The following STAM2 variants were observed in gnomAD, a reference collection of about 807,000 sequenced individuals.
STAM2 encodes the protein signal transducing adapter molecule 2.
A neutral mutation model predicts 65.6 loss-of-function variants in STAM2; 51 were observed. The ratio of observed to expected loss-of-function variants is 0.78; its 90% CI spans 0.62 to 0.98. The LOEUF is 0.98. Among genes scored for constraint, STAM2 ranks in the 50% least tolerant of loss-of-function variants. The pLI is 0.00. For synonymous variants in STAM2, 198 were observed against 208.4 expected (o/e 0.95, Z 0.43); for missense variants, 584 against 617.8 (o/e 0.95, Z 0.58).
Position 152,123,929 on chromosome 2 carries a change from G to T in STAM2, c.1186C>A (p.Pro396Thr). The change falls in exon 13 of 14, where the codon CCA becomes ACA. Residue 396 changes from proline to threonine, a missense_variant. Physicochemically the swap from Pro to Thr is conservative, Grantham distance 38. Transcript: ENST00000263904. ...ASSGVPMQTY[P>T]VQSHGGNYMG... ...TAGTTTCCACCATGTGATTGAACTG[G>T]ATATGTCTATTAATCAGAAAGAAAA... 6.2e-7 allele frequency: 1 copy of T among 1,613,326 alleles called. No homozygotes were observed.
intron 1 of STAM2, among the ~76,000 whole-genome samples, chr2:152,160,742 T>G (rs1689654657): frequency 7.2e-6 from 1 of 138,636 alleles, no homozygotes; most frequent in Non-Finnish European, 1.5e-5. Flanking sequence ...ATCCGGGAGG[T>G]GAGGGGTGCC....
Position 152,145,190 on chromosome 2 carries a change from C to T in STAM2, c.448-233G>A, listed in dbSNP as rs540123624. 2.3e-4 allele frequency among the ~76,000 whole-genome samples: 35 copies of T among 152,264 alleles called. No individual in the cohort carries two copies. In the South Asian group the frequency reaches 7.0e-3, roughly 31 times the overall value. On this transcript the variant is annotated intron_variant, in intron 5 of 13. Coordinates refer to ENST00000263904, the MANE Select transcript of STAM2 (RefSeq NM_005843.6). Reference sequence around the variant, plus strand: ...GGCTCAAGTGATCCTCTTGCCTCAGCCTCCTGGGAAGCCGGAACTAGAGGT... The same window carrying T: ...GGCTCAAGTGATCCTCTTGCCTCAGTCTCCTGGGAAGCCGGAACTAGAGGT...
At chr2:152,161,874 G>A (rs1689684966) in intron 1 of STAM2, among the ~76,000 whole-genome samples, 1 of 151,920 alleles carries the variant, frequency 6.6e-6, no homozygotes, top group Non-Finnish European at 1.5e-5. Context: ...CCAGGCTGGA[G>A]TGAAATGGCA....
Position 152,121,457 on chromosome 2 carries a change from G to GA in STAM2, c.1350-656dup, listed in dbSNP as rs1198938866. Among the ~76,000 whole-genome samples the GA allele has an allele frequency of 9.2e-5, 14 of 152,136 alleles. No homozygotes were observed. In the South Asian group the frequency reaches 2.7e-3, roughly 29 times the overall value. ...CCCTTGGCCATTTGCAATGAGAATG[G>GA]AGCCCTGGCTCAAGATGCCACTTTC... On this transcript the variant is annotated intron_variant, in intron 13 of 13. Coordinates refer to ENST00000263904, the MANE Select transcript of STAM2 (RefSeq NM_005843.6).
chr2:152,154,249 G>A (rs779531812), intron 1 of STAM2, among the ~76,000 whole-genome samples: 1 of 152,130 alleles, frequency 6.6e-6, no homozygotes, highest in Non-Finnish European at 1.5e-5. Flanking sequence ...GTCCTACACA[G>A]AAGGGCATAT....
intron 8 of STAM2, among the ~76,000 whole-genome samples, chr2:152,134,198 C>A (rs1402655457): frequency 6.6e-6 from 1 of 152,094 alleles, no homozygotes; most frequent in Non-Finnish European, 1.5e-5. Flanking sequence ...AATTTTAAAT[C>A]CCAACTGTTA....
In STAM2 at chr2:152,166,103, G is replaced by A. The variant is rs1305711848; in HGVS notation, c.40+9500C>T. Among the ~76,000 whole-genome samples, 3 of 152,280 alleles carry A rather than the reference G, an allele frequency of 2.0e-5. No homozygotes were observed. In the East Asian group the frequency reaches 5.8e-4, roughly 29 times the overall value. Reference sequence around the variant, plus strand: ...CTGTAGTCCCAGATTGAACCTGGGAGGTGGAGGGTGCAGTGAGCCCAGATC... The same window carrying A: ...CTGTAGTCCCAGATTGAACCTGGGAAGTGGAGGGTGCAGTGAGCCCAGATC... On this transcript the variant is annotated intron_variant, in intron 1 of 13. Transcript: ENST00000263904.
chr2:152,145,041 A>G (rs1689313230), intron 5 of STAM2, 84 bp from the exon 6 acceptor site: 1 of 1,030,360 alleles, frequency 9.7e-7, no homozygotes, highest in Non-Finnish European at 1.5e-6. Context: ...GGTAAATTTT[A>G]AAAAATACTG....
chr2:152,122,599 T>C (rs2105526466), intron 13 of STAM2, among the ~76,000 whole-genome samples: 1 of 152,266 alleles, frequency 6.6e-6, no homozygotes, highest in Admixed American at 6.5e-5. Context: ...ACAGATTTAT[T>C]TAATATTCAT....
At chr2:152,147,360 T>C in intron 4 of STAM2, 52 bp from the exon 5 acceptor site, 1 of 1,434,792 alleles carries the variant, frequency 7.0e-7, no homozygotes, top group South Asian at 1.5e-5. Context: ...TTAAAATAAG[T>C]ACTTAAATTA....
intron 1 of STAM2, among the ~76,000 whole-genome samples, chr2:152,161,012 TGA>T (rs1201825521): frequency 2.6e-5 from 4 of 152,150 alleles, no homozygotes; most frequent in African/African-American, 9.6e-5. Context: ...AACAGCTCAT[TGA>T]GAGTGGGCCA....
chr2:152,122,569 C>A (rs1346450191), intron 13 of STAM2, among the ~76,000 whole-genome samples: 1 of 151,974 alleles, frequency 6.6e-6, no homozygotes, highest in Non-Finnish European at 1.5e-5. Context: ...ATATTTTATT[C>A]TAACTGAACA....
intron 11 of STAM2, among the ~76,000 whole-genome samples, chr2:152,129,974 A>G (rs1170670816): frequency 6.6e-6 from 1 of 152,250 alleles, no homozygotes; most frequent in East Asian, 1.9e-4. Context: ...CTGCTACTGC[A>G]CTTCTCTGGC....
At chr2:152,168,544 T>C (rs1311171200) in intron 1 of STAM2, among the ~76,000 whole-genome samples, 1 of 152,242 alleles carries the variant, frequency 6.6e-6, no homozygotes, top group Non-Finnish European at 1.5e-5. Flanking sequence ...TACACTGCTA[T>C]AGTATTATGT....
intron 11 of STAM2, among the ~76,000 whole-genome samples, chr2:152,128,390 G>A (rs1026151403): frequency 3.3e-5 from 5 of 151,974 alleles, no homozygotes; most frequent in Middle Eastern, 3.4e-3. Flanking sequence ...TCCAGCCTGG[G>A]CAACAGAGCG....
Position 152,168,304 on chromosome 2 carries a change from GCATGCACCA to G in STAM2, c.40+7290_40+7298del, listed in dbSNP as rs370668939. On this transcript the variant is annotated intron_variant, in intron 1 of 13. Coordinates refer to ENST00000263904, the MANE Select transcript of STAM2 (RefSeq NM_005843.6). The stretch of plus-strand genomic sequence containing the variant: ...GCCTCCCGAGTAGCTGGGACTACAG[GCATGCACCA>G]CATGTCCGGCTAATTTTTGTATTTT... 3.1e-4 allele frequency among the ~76,000 whole-genome samples: 47 copies of G among 152,184 alleles called. No homozygotes were observed. In the East Asian group the frequency reaches 5.0e-3, roughly 16 times the overall value.
At chr2:152,147,940 C>T (rs1250414851) in intron 4 of STAM2, 84 bp downstream of exon 4, 2 of 998,964 alleles carry the variant, frequency 2.0e-6, no homozygotes, top group Non-Finnish European at 3.0e-6. Flanking sequence ...ATTTATAATA[C>T]TTTAGTAATG....
chr2:152,168,899 C>T (rs886235186), intron 1 of STAM2, among the ~76,000 whole-genome samples: 8 of 152,128 alleles, frequency 5.3e-5, no homozygotes, highest in Non-Finnish European at 7.4e-5. Flanking sequence ...TCAATTCCTC[C>T]GCAGACCTTA....
intron 10 of STAM2, 139 bp from the exon 11 acceptor site, chr2:152,132,307 T>C: frequency 1.8e-6 from 1 of 564,586 alleles, no homozygotes; most frequent in Non-Finnish European, 3.1e-6. Flanking sequence ...GAAAGACTAC[T>C]ATTCAGCACT....
Sources: gnomAD v4.1 joint callset for allele counts (sites outside exome capture counted in the v4.1 genomes callset) on GRCh38, gnomAD v4.1.1 for gene constraint, MANE v1.5 for transcripts, NCBI Gene and HGNC (gene_info 2026-07-23, HGNC 2026-07-21) for gene names.